Variants in LRRC71 observed in about 807,000 individuals in gnomAD.
LRRC71 encodes leucine rich repeat containing 71.
Under a neutral mutation model 66.6 loss-of-function variants are expected in LRRC71, and 54 were observed. The observed-to-expected ratio is 0.81, with a 90% confidence interval of 0.65 to 1.02. The LOEUF is 1.02. LRRC71 is among the 50% of genes least tolerant of loss of function. The probability of loss-of-function intolerance (pLI) is 0.00; values close to 1 mark genes in which losing one functional copy is unlikely to be tolerated. For synonymous variants in LRRC71, 323 were observed against 303.9 expected, an observed-to-expected ratio of 1.06 and a Z score of -0.65; for missense variants, 724 against 718.0, an observed-to-expected ratio of 1.01 and a Z score of -0.10.
At chr1:156,928,408 C>CTTCTTAT (rs1491124092) in intron 9 of LRRC71, among the ~76,000 whole-genome samples, 1 of 34,486 alleles carries the variant, frequency 2.9e-5, no homozygotes, top group African/African-American at 1.4e-4. Context: ...CTTCTTCTTC[C>CTTCTTAT]TCTTATTCCT....
downstream of LRRC71, chr1:156,937,495 C>A (rs1655713769): frequency 2.0e-6 from 3 of 1,518,424 alleles, no homozygotes; most frequent in African/African-American, 1.4e-5. Context: ...AAAAGCAGTT[C>A]CCTGTCCCCA....
intron 1 of LRRC71, among the ~76,000 whole-genome samples, 188 bp from the exon 2 acceptor site, chr1:156,923,761 C>T (rs1372816591): frequency 6.6e-6 from 1 of 152,248 alleles, no homozygotes; most frequent in East Asian, 1.9e-4. Context: ...CCGTTAGTCC[C>T]CTTTCTCCGA....
chr1:156,924,317 C>T lies in LRRC71; in HGVS notation c.311-107C>T, dbSNP rs371687740. ...GAGAGGCAGAGTCCGCAGGCCGGCG[C>T]CTCCCCTCTGGCGGTGTCCTCCAAT... On this transcript the variant is annotated intron_variant, in intron 2 of 14. Coordinates refer to ENST00000337428, the MANE Select transcript of LRRC71 (RefSeq NM_144702.3). The T allele has an allele frequency of 9.7e-6, 14 of 1,443,792 alleles. No homozygotes were observed. The East Asian group carries it at 2.0e-4, about 21-fold the overall frequency. The allele number at this position is 1,443,792 out of a possible 1,614,324, so 89.4% of individuals were successfully genotyped here.
chr1:156,933,020 T>C lies in LRRC71; in HGVS notation c.*51T>C. On this transcript the variant is annotated 3_prime_UTR_variant, in exon 15 of 15. Coordinates refer to ENST00000337428, the MANE Select transcript of LRRC71 (RefSeq NM_144702.3). ...GACTCGGGGCTACAGAAGCACCTCC[T>C]GTCCCTGTGTGGGGTGACCTCCCTG... 1 of 1,379,392 alleles carries C rather than the reference T, an allele frequency of 7.2e-7. No homozygotes were observed. The highest frequency in any genetic ancestry group is 1.0e-6 in the Non-Finnish European group (1 of 995,672). The allele number at this position is 1,379,392 out of a possible 1,614,324, so 85.4% of individuals were successfully genotyped here.
At chr1:156,930,144 G>A (rs1032133188) in intron 11 of LRRC71, among the ~76,000 whole-genome samples, 1 of 134,526 alleles carries the variant, frequency 7.4e-6, no homozygotes, top group Non-Finnish European at 1.5e-5. Context: ...CCAGGCTGGA[G>A]TGCAGAGGTG....
At chr1:156,932,585 C>T (rs763108087) in intron 14 of LRRC71, 40 bp downstream of exon 14, 3 of 1,613,972 alleles carry the variant, frequency 1.9e-6, no homozygotes, top group South Asian at 2.2e-5. Context: ...GCAGACGTTG[C>T]CCCTATCAGC....
At position 156,924,068 on chromosome 1, in the gene LRRC71, T is replaced by C. The variant is rs950723897; in HGVS notation, c.280T>C (p.Ser94Pro). The C allele has an allele frequency of 3.2e-4, 301 of 928,744 alleles. No homozygotes were observed. The highest frequency in any genetic ancestry group is 4.4e-4 in the Non-Finnish European group (285 of 655,160). The allele number at this position is 928,744 out of a possible 1,614,324, so 57.5% of individuals were successfully genotyped here. Reference sequence around the variant, plus strand: ...CCGCCCCCACCCGCCCTTCGTCCCCTCCGCCTCTTTGTCGGAAAAGGCCAC... The same window carrying C: ...CCGCCCCCACCCGCCCTTCGTCCCCCCCGCCTCTTTGTCGGAAAAGGCCAC... ...RPRPHPPFVP[S>P]ASLSEKATLD... Residue 94 changes from serine (S) to proline (P), a missense_variant, in exon 2 of 15, where the codon TCC becomes CCC. Ser to Pro is a moderately conservative substitution (Grantham distance 74). Coordinates refer to ENST00000337428, the MANE Select transcript of LRRC71 (RefSeq NM_144702.3).
chr1:156,926,868 G>A (rs1359728083), intron 5 of LRRC71, among the ~76,000 whole-genome samples: 1 of 152,136 alleles, frequency 6.6e-6, no homozygotes, highest in East Asian at 1.9e-4. Context: ...GAGCCACTGT[G>A]CCTGGCCAGA....
At chr1:156,930,095 CTCTCT>C (rs1482183312) in intron 11 of LRRC71, among the ~76,000 whole-genome samples, 1 of 27,138 alleles carries the variant, frequency 3.7e-5, no homozygotes, top group Admixed American at 4.5e-4. Flanking sequence ...CTTTCTTTCT[CTCTCT>C]TTTTTTTTTT....
rs1653068210 is a variant in LRRC71, at chr1:156,925,576, G to C, written c.593+561G>C. Among the ~76,000 whole-genome samples, 3 of 152,346 alleles carry C rather than the reference G, an allele frequency of 2.0e-5. No individual in the cohort carries two copies. The South Asian group carries it at 6.2e-4, about 32-fold the overall frequency. On this transcript the variant is annotated intron_variant, in intron 5 of 14. Transcript: ENST00000337428. ...CTGAGCTGAAGGAGGCCTAGGAGCA[G>C]GCCAGAGAGGGAATTGGGAAAGGGT...
chr1:156,927,577 C>A lies in LRRC71; in HGVS notation c.744C>A (p.His248Gln). The A allele has an allele frequency of 6.3e-7, 1 of 1,595,934 alleles. No homozygotes were observed. Among genetic ancestry groups the A allele is most frequent in the Admixed American group, 1.7e-5 (1 of 58,456 alleles). ...QLLGQALSTL[H>Q]SCNRTLVSLN... ...TGGGCCAGGCGCTGTCCACGCTGCACAGCTGCAACCGGACCCTCGTCTCGC... is the reference window on the plus strand; with the variant it reads ...TGGGCCAGGCGCTGTCCACGCTGCAAAGCTGCAACCGGACCCTCGTCTCGC... Residue 248 changes from histidine (H) to glutamine (Q), a missense_variant, in exon 7 of 15, where the codon CAC (histidine) becomes CAA (glutamine). His to Gln is a conservative substitution (Grantham distance 24). Transcript: ENST00000337428.
At position 156,924,691 on chromosome 1, in the gene LRRC71, C is replaced by T; in HGVS notation, c.488C>T (p.Pro163Leu). ...CTGGGTGTCTTCTCTAAATGTCTGC[C>T]CCCGCTTACCCAGCTACAGGCCATC... ...RILGVFSKCL[P>L]PLTQLQAINL... Residue 163 changes from proline (P) to leucine (L), a missense_variant, in exon 4 of 15, where the codon CCC (proline) becomes CTC (leucine). Coordinates refer to ENST00000337428, the MANE Select transcript of LRRC71 (RefSeq NM_144702.3). The T allele has an allele frequency of 1.3e-6, 2 of 1,551,686 alleles. No homozygotes were observed. Among genetic ancestry groups the T allele is most frequent in the Non-Finnish European group, 1.7e-6 (2 of 1,146,990 alleles).
chr1:156,929,550 C>G (rs1039435119), intron 10 of LRRC71, 86 bp from the exon 11 acceptor site: 3 of 1,533,466 alleles, frequency 2.0e-6, no homozygotes, highest in Admixed American at 2.0e-5. Context: ...CCTAAGGCCC[C>G]GGGTCCTAAC....
At chr1:156,927,353 C>G (rs749818749) in intron 6 of LRRC71, 83 bp downstream of exon 6, 56 of 1,552,778 alleles carry the variant, frequency 3.6e-5, no homozygotes, top group Non-Finnish European at 4.9e-5. Context: ...TTCCTTGTCC[C>G]CCTACCATCT....
At chr1:156,936,966 C>T, downstream of LRRC71, 1 of 1,614,150 alleles carries the variant, frequency 6.2e-7, no homozygotes. Context: ...GACTCTCCCC[C>T]AAGGGACTTG....
chr1:156,927,155 C>T (rs1055051060), intron 5 of LRRC71, 47 bp from the exon 6 acceptor site: 2 of 1,553,002 alleles, frequency 1.3e-6, no homozygotes, highest in Non-Finnish European at 1.8e-6. Context: ...CTTCCCTTAC[C>T]TGGCCTCAGT....
chr1:156,924,213 G>T, intron 2 of LRRC71, 115 bp downstream of exon 2: 1 of 1,312,588 alleles, frequency 7.6e-7, no homozygotes, highest in Non-Finnish European at 1.0e-6. Context: ...GTGTGAGTCG[G>T]CGGTATTCGA....
the LRRC71 span, chr1:156,939,584 T>C: frequency 6.2e-7 from 1 of 1,613,150 alleles, no homozygotes; most frequent in South Asian, 1.1e-5. Context: ...GCTGCCTCTG[T>C]GCTTGAAGCA....
downstream of LRRC71, chr1:156,935,764 G>A (rs1415656745): frequency 1.3e-5 from 7 of 537,144 alleles, no homozygotes; most frequent in Non-Finnish European, 2.0e-5. Flanking sequence ...GCATGCTTAG[G>A]AGACATGAGG....
Sources: gnomAD v4.1 joint callset for allele counts (sites outside exome capture counted in the v4.1 genomes callset) on GRCh38, gnomAD v4.1.1 for gene constraint, MANE v1.5 for transcripts, NCBI Gene and HGNC (gene_info 2026-07-23, HGNC 2026-07-21) for gene names.